Variants in GEMIN5 observed in about 807,000 individuals in gnomAD.
GEMIN5 encodes gem nuclear organelle associated protein 5, also known as gem-associated protein 5.
GEMIN5 carries 124 observed loss-of-function variants against 176.9 expected under a neutral mutation model. The ratio of observed to expected loss-of-function variants is 0.70; its 90% CI spans 0.61 to 0.81. The LOEUF (loss-of-function observed/expected upper bound fraction) is 0.81, where lower values mean the gene tolerates loss of function less well. Among genes scored for constraint, GEMIN5 ranks in the 40% least tolerant of loss-of-function variants. GEMIN5 has a pLI of 0.00. For missense variants in GEMIN5, 1,843 were observed against 1,814.6 expected, an observed-to-expected ratio of 1.02 and a Z score of -0.28; for synonymous variants, 673 against 665.2, an observed-to-expected ratio of 1.01 and a Z score of -0.18.
At chr5:154,914,441 T>G (rs1763772479) in intron 13 of GEMIN5, among the ~76,000 whole-genome samples, 1 of 150,672 alleles carries the variant, frequency 6.6e-6, no homozygotes, top group Non-Finnish European at 1.5e-5. Context: ...AAAAAAAAAA[T>G]CACTATTAAG....
At chr5:154,912,802 T>G in intron 14 of GEMIN5, 97 bp downstream of exon 14, 1 of 1,028,026 alleles carries the variant, frequency 9.7e-7, no homozygotes, top group Non-Finnish European at 1.4e-6. Flanking sequence ...ATGATGATAA[T>G]GGGGGAGGGG....
chr5:154,900,955 C>T (rs911013854), intron 21 of GEMIN5, among the ~76,000 whole-genome samples: 1 of 152,144 alleles, frequency 6.6e-6, no homozygotes, highest in Non-Finnish European at 1.5e-5. Flanking sequence ...CAAGCTGATA[C>T]ACAACTTTAC....
chr5:154,893,249 C>T (rs111326319), intron 24 of GEMIN5, among the ~76,000 whole-genome samples: 2,508 of 120,582 alleles, frequency 0.021, 60 homozygotes, highest in African/African-American at 0.075. Flanking sequence ...GGTGAAAGCC[C>T]GTCTCTAAAA....
intron 6 of GEMIN5, 110 bp downstream of exon 6, chr5:154,928,417 T>A: frequency 1.1e-6 from 1 of 900,454 alleles, no homozygotes; most frequent in Non-Finnish European, 1.8e-6. Flanking sequence ...CCATTTCAAA[T>A]GGCCCATCAT....
In GEMIN5 at chr5:154,896,235, T is replaced by C; in HGVS notation, c.3454A>G (p.Thr1152Ala). The C allele has an allele frequency of 6.2e-7, 1 of 1,613,868 alleles. No homozygotes were observed. ...ACCCTCTCCACGAAAGGCCCTTCGGTGCCCGTGTTCCAAGTGTGGTAAGAG... is the reference window on the plus strand; with the variant it reads ...ACCCTCTCCACGAAAGGCCCTTCGGCGCCCGTGTTCCAAGTGTGGTAAGAG... ...SSSYHTWNTG[T>A]EGPFVERVTA... The change falls in exon 24 of 28, where the codon ACC (threonine) becomes GCC (alanine). Residue 1152 changes from threonine (T) to alanine (A), a missense_variant. Physicochemically the swap from Thr to Ala is moderately conservative, Grantham distance 58. Transcript: ENST00000285873.
chr5:154,917,226 A>G (rs1391218056), intron 12 of GEMIN5, 47 bp from the exon 13 acceptor site: 3 of 1,135,798 alleles, frequency 2.6e-6, no homozygotes, highest in African/African-American at 1.6e-5. Context: ...TGATCAAATT[A>G]CAAGTTACAA....
Position 154,927,398 on chromosome 5 carries a change from G to C in GEMIN5, c.1067C>G (p.Ser356Ter). ...AAGCATTCTTACATCTCTATCCATT[G>C]ATGTAGAAAGTAATAGCTGTTTGTC... ...EDDKQLLLST[S>*]MDRDVKCWDI... is the part of the protein sequence containing the mutation. Residue 356 changes from serine (S) to a stop codon, truncating the protein, a stop_gained, in exon 7 of 28, where the codon TCA becomes TGA. Coordinates refer to ENST00000285873, the MANE Select transcript of GEMIN5 (RefSeq NM_015465.5). LOFTEE classifies it high-confidence loss of function. 1 of 1,573,090 alleles carries C rather than the reference G, an allele frequency of 6.4e-7. No individual in the cohort carries two copies. The highest frequency in any genetic ancestry group is 2.2e-5 in the East Asian group (1 of 44,612).
At chr5:154,914,099 C>T (rs1022265522) in intron 13 of GEMIN5, among the ~76,000 whole-genome samples, 5 of 152,180 alleles carry the variant, frequency 3.3e-5, no homozygotes, top group Admixed American at 2.6e-4. Context: ...CGGCTCAATG[C>T]AACCTCTGCC....
In GEMIN5 at chr5:154,896,251, G is replaced by A. The variant is rs1244227228; in HGVS notation, c.3438C>T (p.His1146=). ...LSEGKSSSSY[H]TWNTGTEGPF... ...GCCCTTCGGTGCCCGTGTTCCAAGT[G>A]TGGTAAGAGGAGGAGCTTTTGCCCT... Residue 1146 remains histidine (H), a synonymous_variant, in exon 24 of 28, where the codon CAC becomes CAT. Coordinates refer to ENST00000285873, the MANE Select transcript of GEMIN5 (RefSeq NM_015465.5). 1.9e-6 allele frequency: 3 copies of A among 1,613,704 alleles called. No homozygotes were observed. The African/African-American group carries it at 4.0e-5, about 22-fold the overall frequency.
In GEMIN5 at chr5:154,888,272, G is replaced by A; in HGVS notation, c.4465C>T (p.Leu1489Phe). Residue 1489 changes from leucine (L) to phenylalanine (F), a missense_variant, in exon 28 of 28, where the codon CTC becomes TTC. Coordinates refer to ENST00000285873, the MANE Select transcript of GEMIN5 (RefSeq NM_015465.5). ...TTCGTGTTGCCGTATTTCTGAAGGA[G>A]CTCTTGGGCCTGCTGCTGCATTTCC... ...AQEMQQQAQE[L>F]LQKYGNTKTY... 1 of 1,614,222 alleles carries A rather than the reference G, an allele frequency of 6.2e-7. No homozygotes were observed.
intron 13 of GEMIN5, 126 bp from the exon 14 acceptor site, chr5:154,913,164 T>C: frequency 1.3e-6 from 1 of 763,532 alleles, no homozygotes; most frequent in Non-Finnish European, 2.0e-6. Context: ...AGGTTATTTT[T>C]TTTTTGAGAT....
At chr5:154,928,748 C>T in intron 5 of GEMIN5, 89 bp from the exon 6 acceptor site, 1 of 1,064,392 alleles carries the variant, frequency 9.4e-7, no homozygotes, top group Non-Finnish European at 1.4e-6. Flanking sequence ...ACAGTCTGCG[C>T]TGTAAAAGCT....
At chr5:154,929,326 T>A (rs1398045428) in intron 5 of GEMIN5, among the ~76,000 whole-genome samples, 1 of 152,156 alleles carries the variant, frequency 6.6e-6, no homozygotes, top group Non-Finnish European at 1.5e-5. Flanking sequence ...AGTATTGCAG[T>A]GACATAACTC....
chr5:154,920,103 C>A lies in GEMIN5; in HGVS notation c.1463G>T (p.Gly488Val). Residue 488 changes from glycine to valine, a missense_variant and splice_region_variant, in exon 11 of 28, where the codon GGA (glycine) becomes GTA (valine). Coordinates refer to ENST00000285873, the MANE Select transcript of GEMIN5 (RefSeq NM_015465.5). ...AAGGGAAGGTCTGTCTCCTTCTCCT[C>A]CTGTATGAAATAAGAAAAGAAACTT... ...WGPPVPPMSL[G>V]GEGDRPSLAL... The A allele has an allele frequency of 6.2e-7, 1 of 1,606,532 alleles. No individual in the cohort carries two copies. Among genetic ancestry groups the A allele is most frequent in the Non-Finnish European group, 8.5e-7 (1 of 1,177,320 alleles).
Position 154,931,584 on chromosome 5 carries a change from G to C in GEMIN5, c.662-7C>G. ...TTGGTAATTTCAGCTTCTTCTATGA[G>C]ATAGGTGGCAATTTTGTTTTTAATT... On this transcript the variant is annotated splice_polypyrimidine_tract_variant and splice_region_variant and intron_variant, in intron 4 of 27. Transcript: ENST00000285873. 1 of 1,579,138 alleles carries C rather than the reference G, an allele frequency of 6.3e-7. No individual in the cohort carries two copies. The highest frequency in any genetic ancestry group is 8.6e-7 in the Non-Finnish European group (1 of 1,158,364).
chr5:154,904,378 C>A, intron 18 of GEMIN5, 129 bp downstream of exon 18: 1 of 796,324 alleles, frequency 1.3e-6, no homozygotes, highest in Non-Finnish European at 2.0e-6. Flanking sequence ...GAAGGGAGAG[C>A]TGGAGAACAT....
intron 23 of GEMIN5, 95 bp downstream of exon 23, chr5:154,898,345 C>T: frequency 8.9e-7 from 1 of 1,123,698 alleles, no homozygotes; most frequent in Non-Finnish European, 1.3e-6. Context: ...CAAATTGGCA[C>T]AGCTTGTGCA....
chr5:154,909,021 C>T (rs1272472589), intron 15 of GEMIN5, among the ~76,000 whole-genome samples: 1 of 151,996 alleles, frequency 6.6e-6, no homozygotes, highest in Non-Finnish European at 1.5e-5. Context: ...GTGGCAGAAT[C>T]TCCGTTCACG....
At position 154,901,461 on chromosome 5, in the gene GEMIN5, A is replaced by G. The variant is rs1419216911; in HGVS notation, c.2892T>C (p.Ala964=). 4 of 1,613,982 alleles carry G rather than the reference A, an allele frequency of 2.5e-6. No individual in the cohort carries two copies. In the Admixed American group the frequency reaches 6.7e-5, roughly 27 times the overall value. The change falls in exon 21 of 28, where the codon GCT becomes GCC. Residue 964 remains alanine, a synonymous_variant. Transcript: ENST00000285873. ...PAAGYHVWLW[A]VEAFAKQLCF... is the part of the protein sequence containing the mutation. Reference sequence around the variant, plus strand: ...ACAGCTGTTTGGCAAAAGCTTCCACAGCCCATAGCCACACATGGTAGCCAG... The same window carrying G: ...ACAGCTGTTTGGCAAAAGCTTCCACGGCCCATAGCCACACATGGTAGCCAG...
Sources: gnomAD v4.1 joint callset for allele counts (sites outside exome capture counted in the v4.1 genomes callset) on GRCh38, gnomAD v4.1.1 for gene constraint, MANE v1.5 for transcripts, NCBI Gene and HGNC (gene_info 2026-07-23, HGNC 2026-07-21) for gene names.